Variants in CAMTA1 observed in about 807,000 individuals in gnomAD.
CAMTA1 encodes calmodulin binding transcription activator 1.
CAMTA1 carries 27 observed loss-of-function variants against 170.9 expected under a neutral mutation model. The ratio of observed to expected loss-of-function variants is 0.16; its 90% CI spans 0.12 to 0.22. CAMTA1 has a LOEUF of 0.22. Among genes scored for constraint, CAMTA1 ranks in the 10% least tolerant of loss-of-function variants. The pLI, the probability that CAMTA1 is intolerant of heterozygous loss-of-function variation, is 1.00. For synonymous variants in CAMTA1, 833 were observed against 891.5 expected, an observed-to-expected ratio of 0.93 and a Z score of 1.17; for missense variants, 1,619 against 2,217.2, an observed-to-expected ratio of 0.73 and a Z score of 5.42.
intron 3 of CAMTA1, among the ~76,000 whole-genome samples, chr1:6,899,330 C>T (rs1307382001): frequency 2.0e-5 from 3 of 152,192 alleles, no homozygotes; most frequent in Admixed American, 6.5e-5. Flanking sequence ...TCCTTTTCTT[C>T]AGCACATGTT....
intron 3 of CAMTA1, among the ~76,000 whole-genome samples, chr1:6,895,661 A>G (rs1675480626): frequency 6.6e-6 from 1 of 152,178 alleles, no homozygotes; most frequent in African/African-American, 2.4e-5. Flanking sequence ...TCCATCAAAC[A>G]TGATTCTTTT....
At chr1:7,172,810 C>CT (rs1170105964) in intron 4 of CAMTA1, among the ~76,000 whole-genome samples, 2 of 152,180 alleles carry the variant, frequency 1.3e-5, no homozygotes, top group Non-Finnish European at 2.9e-5. Context: ...CCCCGGGGCC[C>CT]TGGAGGGTGA....
In CAMTA1 at chr1:7,565,296, C is replaced by T. The variant is rs192648345; in HGVS notation, c.511-75104C>T. ...AAGTGGGCGCTGCCTTTGGGGCCCA[C>T]GGGCCTATGGGGATGGGAGTGAGGC... On this transcript the variant is annotated intron_variant, in intron 6 of 22. Transcript: ENST00000303635. This position sits in a 1 kb window ranked among gnomAD's most constrained non-coding sequence, Gnocchi z 4.5. Among the ~76,000 whole-genome samples the T allele has an allele frequency of 2.8e-4, 43 of 152,164 alleles. No homozygotes were observed. Among genetic ancestry groups the T allele is most frequent in the Non-Finnish European group, 4.4e-5 (3 of 67,974 alleles).
intron 4 of CAMTA1, among the ~76,000 whole-genome samples, chr1:7,180,910 A>G (rs769830334): frequency 6.6e-6 from 1 of 152,244 alleles, no homozygotes; most frequent in Non-Finnish European, 1.5e-5. Flanking sequence ...AGTAAGTACT[A>G]CATTGACACC....
chr1:7,763,933 A>G (rs2096996354), intron 22 of CAMTA1, among the ~76,000 whole-genome samples: 2 of 152,228 alleles, frequency 1.3e-5, no homozygotes, highest in African/African-American at 4.8e-5. Flanking sequence ...TAGCATTTGA[A>G]GTGGCATGCA....
At chr1:7,648,506 AGG>A (rs2095825496) in intron 7 of CAMTA1, among the ~76,000 whole-genome samples, 1 of 151,850 alleles carries the variant, frequency 6.6e-6, no homozygotes, top group African/African-American at 2.4e-5. Flanking sequence ...TGGGAGAGAG[AGG>A]GGGTGTTGTT....
At position 7,663,925 on chromosome 1, in the gene CAMTA1, G is replaced by A. The variant is rs142694234; in HGVS notation, c.1378G>A (p.Val460Met). 8 of 1,613,706 alleles carry A rather than the reference G, an allele frequency of 5.0e-6. No homozygotes were observed. The highest frequency in any genetic ancestry group is 4.0e-5 in the African/African-American group (3 of 74,908). The change falls in exon 9 of 23, where the codon GTG (valine) becomes ATG (methionine). Residue 460 changes from valine (V) to methionine (M), a missense_variant. Around this residue, in one of 8 missense-constraint regions of CAMTA1, gnomAD observed 731 missense variants for 907.6 expected, o/e 0.81. Transcript: ENST00000303635. ...GAGCCTGTCCATGCTGCCCACCAAC[G>A]TGTCCGAAGAGCTGGTCCTCTCCAC... is the stretch of plus-strand genomic sequence containing the variant. The part of the protein sequence containing the change: ...SESLSMLPTN[V>M]SEELVLSTTL...
chr1:7,500,141 G>GGT (rs1346080149), intron 6 of CAMTA1, among the ~76,000 whole-genome samples: 1 of 113,702 alleles, frequency 8.8e-6, no homozygotes, highest in Non-Finnish European at 1.8e-5. Context: ...TATGTATATG[G>GGT]GTGTGTGTGT....
At chr1:7,706,196 T>C (rs1289648116) in intron 11 of CAMTA1, among the ~76,000 whole-genome samples, 2 of 152,244 alleles carry the variant, frequency 1.3e-5, no homozygotes, top group African/African-American at 4.8e-5. Context: ...TGATAGGATT[T>C]CTGCTGGCAG....
At chr1:6,923,566 C>G (rs1682469268) in intron 3 of CAMTA1, among the ~76,000 whole-genome samples, 1 of 152,292 alleles carries the variant, frequency 6.6e-6, no homozygotes, top group African/African-American at 2.4e-5. Flanking sequence ...CTGGCTTATT[C>G]AAGGTCCACA....
intron 4 of CAMTA1, among the ~76,000 whole-genome samples, chr1:7,129,066 G>A (rs1330665003): frequency 2.6e-5 from 4 of 151,870 alleles, no homozygotes; most frequent in Admixed American, 1.3e-4. Context: ...TTGAACTCCT[G>A]ACCTCAAGTG....
intron 4 of CAMTA1, chr1:7,142,234 C>T: frequency 4.1e-6 from 2 of 483,904 alleles, no homozygotes; most frequent in Admixed American, 2.0e-5. Context: ...AAGAACCTTC[C>T]AGTTTCCAGC....
At chr1:6,793,464 A>G (rs1641696317) in intron 1 of CAMTA1, among the ~76,000 whole-genome samples, 1 of 152,206 alleles carries the variant, frequency 6.6e-6, no homozygotes, top group Admixed American at 6.5e-5. Context: ...TTTGTGTTCA[A>G]CATGTCTAAG....
chr1:7,631,719 C>G (rs1328335791), intron 6 of CAMTA1, among the ~76,000 whole-genome samples: 1 of 152,208 alleles, frequency 6.6e-6, no homozygotes, highest in Non-Finnish European at 1.5e-5. Flanking sequence ...CCCGCGTGCC[C>G]TGGCCCTTCT....
intron 3 of CAMTA1, among the ~76,000 whole-genome samples, chr1:6,905,666 C>G (rs1279571775): frequency 6.6e-6 from 1 of 152,196 alleles, no homozygotes; most frequent in Non-Finnish European, 1.5e-5. Context: ...TAAACTCTCC[C>G]TCTTCTCTGT....
chr1:7,411,459 A>T (rs2090741661), intron 5 of CAMTA1, among the ~76,000 whole-genome samples: 1 of 149,292 alleles, frequency 6.7e-6, no homozygotes, highest in African/African-American at 2.5e-5. Context: ...GAATCGATAG[A>T]ACCTGGGAGG....
chr1:7,145,735 C>T (rs1041907494), intron 4 of CAMTA1, among the ~76,000 whole-genome samples: 5 of 152,194 alleles, frequency 3.3e-5, no homozygotes, highest in East Asian at 3.9e-4. Context: ...GGGGCCGGGA[C>T]GATTGCAGTC....
intron 11 of CAMTA1, chr1:7,700,827 T>C (rs116818717): frequency 2.6e-5 from 4 of 152,180 alleles, no homozygotes; most frequent in Non-Finnish European, 5.9e-5. Flanking sequence ...CCAGAGATAT[T>C]TGGTATATAA....
chr1:7,745,772 T>G (rs1444890559), intron 17 of CAMTA1, 73 bp from the exon 18 acceptor site: 8 of 1,577,828 alleles, frequency 5.1e-6, no homozygotes, highest in Middle Eastern at 1.7e-4. Flanking sequence ...CCATCTTGGC[T>G]CATTCATTAA....
Sources: gnomAD v4.1 joint callset for allele counts (sites outside exome capture counted in the v4.1 genomes callset) on GRCh38, gnomAD v4.1.1 for gene constraint, gnomAD v4.1.1 regional missense constraint, Gnocchi (gnomAD v3.1) non-coding constraint, MANE v1.5 for transcripts, NCBI Gene and HGNC (gene_info 2026-07-23, HGNC 2026-07-21) for gene names.